The following TASP1 variants were observed in gnomAD, a reference collection of about 807,000 sequenced individuals.
TASP1 encodes the protein threonine aspartase 1.
TASP1 carries 16 observed loss-of-function variants against 56.6 expected under a neutral mutation model. The ratio of observed to expected loss-of-function variants is 0.28; its 90% CI spans 0.19 to 0.43. The LOEUF is 0.43. Among genes scored for constraint, TASP1 ranks in the 20% least tolerant of loss-of-function variants. TASP1 has a pLI of 1.00. For synonymous variants in TASP1, 179 were observed against 184.2 expected, an observed-to-expected ratio of 0.97 and a Z score of 0.23; for missense variants, 393 against 511.6, an observed-to-expected ratio of 0.77 and a Z score of 2.24.
chr20:13,194,060 T>C, the TASP1 span, among the ~76,000 whole-genome samples: 1 of 152,216 alleles, frequency 6.6e-6, no homozygotes, highest in Non-Finnish European at 1.5e-5. Context: ...TACCGTTGTA[T>C]ATCCAAATGA....
chr20:13,468,855 A>ATG (rs886440690), intron 11 of TASP1, among the ~76,000 whole-genome samples: 12 of 127,268 alleles, frequency 9.4e-5, no homozygotes, highest in East Asian at 4.4e-4. Context: ...TGGTTTTTTT[A>ATG]TGTGTGTGTG....
chr20:13,191,206 A>C, the TASP1 span, among the ~76,000 whole-genome samples: 1 of 152,204 alleles, frequency 6.6e-6, no homozygotes, highest in African/African-American at 2.4e-5. Context: ...CTAAAAATAG[A>C]AATACCATTT....
intron 11 of TASP1, among the ~76,000 whole-genome samples, chr20:13,445,162 T>C (rs538631361): frequency 5.3e-5 from 8 of 152,254 alleles, no homozygotes; most frequent in Admixed American, 5.2e-4. Context: ...ATGGGAGAGA[T>C]ATTCAATCTT....
rs753065623 is a variant in TASP1 at position 13,417,432 on chromosome 20, G to T, written c.1170+16C>A. On this transcript the variant is annotated intron_variant, in intron 13 of 13. Transcript: ENST00000337743. ...GCTACAAGGTTTTCAGGTTATGACC[G>T]TTTTTTCCCACTTACCTTGGCTTTC... 6.2e-7 allele frequency: 1 copy of T among 1,613,816 alleles called. No individual in the cohort carries two copies. Among genetic ancestry groups the T allele is most frequent in the Non-Finnish European group, 8.5e-7 (1 of 1,179,834 alleles).
chr20:13,117,735 G>C, the TASP1 span: 1 of 1,600,388 alleles, frequency 6.2e-7, no homozygotes, highest in Non-Finnish European at 8.5e-7. Context: ...GGTAAGAGAG[G>C]GCCTGCTTGT....
chr20:13,480,860 C>T (rs6042157), intron 11 of TASP1, among the ~76,000 whole-genome samples: 12 of 152,070 alleles, frequency 7.9e-5, no homozygotes, highest in African/African-American at 2.9e-4. Context: ...TATGAGGTAC[C>T]TGAGATGTTT....
At chr20:13,371,410 G>GACCT in the TASP1 span, among the ~76,000 whole-genome samples, 2 of 152,036 alleles carry the variant, frequency 1.3e-5, no homozygotes, top group Admixed American at 1.3e-4. Context: ...TTTTATCTTA[G>GACCT]ACCTGTTGGT....
At chr20:13,395,484 G>A (rs1292461641) in intron 13 of TASP1, among the ~76,000 whole-genome samples, 1 of 152,086 alleles carries the variant, frequency 6.6e-6, no homozygotes, top group Admixed American at 6.5e-5. Flanking sequence ...AATGTCACAT[G>A]AACTTTAATA....
intron 11 of TASP1, among the ~76,000 whole-genome samples, chr20:13,456,427 T>C (rs2043839352): frequency 6.6e-6 from 1 of 152,184 alleles, no homozygotes; most frequent in Non-Finnish European, 1.5e-5. Flanking sequence ...CACCATATAG[T>C]CCTGATTTGG....
intron 11 of TASP1, among the ~76,000 whole-genome samples, chr20:13,468,938 CT>C (rs1267545184): frequency 2.7e-5 from 4 of 150,648 alleles, no homozygotes; most frequent in African/African-American, 7.3e-5. Flanking sequence ...TCATAAACAT[CT>C]TTTAAAACTC....
At chr20:13,623,614 T>C (rs1226135375) in intron 3 of TASP1, 100 bp from the exon 4 acceptor site, 44 of 899,314 alleles carry the variant, frequency 4.9e-5, no homozygotes, top group Non-Finnish European at 5.5e-5. Flanking sequence ...TTAATAAAAA[T>C]TGACCACTAG....
chr20:13,221,423 G>A, the TASP1 span, among the ~76,000 whole-genome samples: 3 of 146,574 alleles, frequency 2.0e-5, no homozygotes, highest in Non-Finnish European at 4.6e-5. Flanking sequence ...GGTGGCCTCC[G>A]GCCCGGCCCG....
At chr20:13,561,173 A>G (rs751406342) in intron 7 of TASP1, among the ~76,000 whole-genome samples, 1 of 152,162 alleles carries the variant, frequency 6.6e-6, no homozygotes, top group Non-Finnish European at 1.5e-5. Context: ...GAGATAGTTC[A>G]TTTTTACTGG....
At chr20:13,602,240 C>T (rs143181858) in intron 4 of TASP1, among the ~76,000 whole-genome samples, 1 of 151,958 alleles carries the variant, frequency 6.6e-6, no homozygotes, top group East Asian at 1.9e-4. Context: ...AAGGAAACTC[C>T]ACAAAACACT....
At chr20:13,607,864 G>C (rs559961549) in intron 4 of TASP1, among the ~76,000 whole-genome samples, 1 of 152,292 alleles carries the variant, frequency 6.6e-6, no homozygotes, top group South Asian at 2.1e-4. Context: ...CTACTCAGAA[G>C]GCTGAAGCAG....
the TASP1 span, among the ~76,000 whole-genome samples, chr20:13,329,892 C>T: frequency 7.9e-5 from 12 of 152,046 alleles, no homozygotes; most frequent in African/African-American, 2.7e-4. Context: ...TCATTCTCAA[C>T]TTGAGAATGT....
At chr20:13,547,160 C>A (rs6033755) in intron 8 of TASP1, among the ~76,000 whole-genome samples, 1 of 152,042 alleles carries the variant, frequency 6.6e-6, no homozygotes, top group African/African-American at 2.4e-5. Context: ...AAAATGCTCA[C>A]GCTTCTATGG....
the TASP1 span, among the ~76,000 whole-genome samples, chr20:13,298,621 G>A: frequency 6.6e-6 from 1 of 152,152 alleles, no homozygotes; most frequent in Non-Finnish European, 1.5e-5. Context: ...TGAAATATGG[G>A]TAGTCATTGT....
the TASP1 span, among the ~76,000 whole-genome samples, chr20:13,188,012 G>A: frequency 2.0e-5 from 3 of 152,048 alleles, no homozygotes; most frequent in Non-Finnish European, 4.4e-5. Flanking sequence ...TAGGGTTAAG[G>A]TCCTTTTAAA....
Sources: gnomAD v4.1 joint callset for allele counts (sites outside exome capture counted in the v4.1 genomes callset) on GRCh38, gnomAD v4.1.1 for gene constraint, MANE v1.5 for transcripts, NCBI Gene and HGNC (gene_info 2026-07-23, HGNC 2026-07-21) for gene names.